Variants in JMJD1C observed in about 807,000 individuals in gnomAD.
JMJD1C encodes the protein jumonji domain-containing protein 1C.
JMJD1C carries 31 observed loss-of-function variants against 245.3 expected under a neutral mutation model. That is an observed-to-expected ratio of 0.13 (90% confidence interval 0.09 to 0.17). The LOEUF (loss-of-function observed/expected upper bound fraction) is 0.17, where lower values mean the gene tolerates loss of function less well. JMJD1C is among the 10% of genes least tolerant of loss of function. The pLI, the probability that JMJD1C is intolerant of heterozygous loss-of-function variation, is 1.00. For synonymous variants in JMJD1C, 1,057 were observed against 1,017.4 expected, an observed-to-expected ratio of 1.04 and a Z score of -0.74; for missense variants, 2,691 against 3,000.2, an observed-to-expected ratio of 0.90 and a Z score of 2.41.
chr10:63,175,070 T>C (rs944735513), intron 24 of JMJD1C, among the ~76,000 whole-genome samples: 12 of 152,316 alleles, frequency 7.9e-5, no homozygotes, highest in Admixed American at 5.9e-4. Flanking sequence ...AAATTCAATA[T>C]GTGAATAAAG....
chr10:63,175,818 T>G (rs914847634), intron 24 of JMJD1C, among the ~76,000 whole-genome samples: 1 of 152,136 alleles, frequency 6.6e-6, no homozygotes, highest in Non-Finnish European at 1.5e-5. Flanking sequence ...GCTGGAAAAA[T>G]TAGGTATTTT....
intron 2 of JMJD1C, among the ~76,000 whole-genome samples, chr10:63,282,149 G>C (rs932758201): frequency 2.0e-5 from 3 of 152,138 alleles, no homozygotes; most frequent in Non-Finnish European, 4.4e-5. Flanking sequence ...TTCTTGTGCA[G>C]TATAAGTCAA....
intron 2 of JMJD1C, among the ~76,000 whole-genome samples, chr10:63,275,880 G>A (rs1037024920): frequency 2.0e-5 from 3 of 151,964 alleles, no homozygotes; most frequent in African/African-American, 7.3e-5. Flanking sequence ...ATTTTAAGTT[G>A]CTCATTTTAT....
chr10:63,276,781 G>T (rs545758694), intron 2 of JMJD1C, among the ~76,000 whole-genome samples: 4 of 151,514 alleles, frequency 2.6e-5, no homozygotes, highest in Non-Finnish European at 4.4e-5. Flanking sequence ...TTTTAATTAC[G>T]TATGTAATTA....
At chr10:63,456,810 T>A (rs1178489243) in intron 1 of JMJD1C, among the ~76,000 whole-genome samples, 1 of 152,036 alleles carries the variant, frequency 6.6e-6, no homozygotes, top group Non-Finnish European at 1.5e-5. Flanking sequence ...GAAGCCAAAT[T>A]CAACTTAAAA....
intron 3 of JMJD1C, among the ~76,000 whole-genome samples, chr10:63,249,497 T>C (rs188275911): frequency 6.6e-6 from 1 of 152,316 alleles, no homozygotes; most frequent in East Asian, 1.9e-4. Context: ...AGGGTGACTA[T>C]ACAGCACAAC....
intron 1 of JMJD1C, chr10:63,382,907 T>C (rs1288277199): frequency 2.9e-5 from 13 of 455,100 alleles, no homozygotes; most frequent in South Asian, 1.1e-4. Flanking sequence ...CAACTTAGCT[T>C]TGAATTTCTA....
upstream of JMJD1C, among the ~76,000 whole-genome samples, chr10:63,467,488 AC>A (rs1953342373): frequency 6.6e-6 from 1 of 152,340 alleles, no homozygotes; most frequent in African/African-American, 2.4e-5. Flanking sequence ...AACCTGGTCA[AC>A]AAGAGCAAAA....
intron 3 of JMJD1C, among the ~76,000 whole-genome samples, chr10:63,247,508 A>C: frequency 6.6e-6 from 1 of 152,100 alleles, no homozygotes; most frequent in East Asian, 1.9e-4. Context: ...TGAAAGGACA[A>C]AGAAGGTGGA....
chr10:63,212,665 C>G (rs975903252), intron 8 of JMJD1C, among the ~76,000 whole-genome samples: 1 of 151,982 alleles, frequency 6.6e-6, no homozygotes. Flanking sequence ...GTTAAATAGT[C>G]AAACACTGTA....
chr10:63,501,720 G>A (rs1954567177), intron 1 of JMJD1C, among the ~76,000 whole-genome samples: 1 of 152,104 alleles, frequency 6.6e-6, no homozygotes, highest in African/African-American at 2.4e-5. Context: ...TGCTTGCAGT[G>A]AGCCAAGGTC....
intron 20 of JMJD1C, 33 bp downstream of exon 20, chr10:63,185,530 A>G (rs957105920): frequency 7.9e-7 from 1 of 1,271,748 alleles, no homozygotes; most frequent in Non-Finnish European, 1.2e-6. Context: ...CTCGATCTCA[A>G]AAAGTCAAGA....
chr10:63,229,549 T>C (rs1849718826), intron 3 of JMJD1C, among the ~76,000 whole-genome samples: 1 of 152,154 alleles, frequency 6.6e-6, no homozygotes, highest in Non-Finnish European at 1.5e-5. Context: ...TTCTAAATTA[T>C]TTACATTCTG....
At chr10:63,267,189 TA>T (rs1282860292) in intron 2 of JMJD1C, among the ~76,000 whole-genome samples, 3 of 152,198 alleles carry the variant, frequency 2.0e-5, no homozygotes, top group African/African-American at 7.2e-5. Flanking sequence ...AATACTTTTA[TA>T]GTATTTGTTA....
At chr10:63,343,394 T>C (rs1943546776) in intron 2 of JMJD1C, among the ~76,000 whole-genome samples, 1 of 151,892 alleles carries the variant, frequency 6.6e-6, no homozygotes, top group African/African-American at 2.4e-5. Context: ...AAAAACAGAT[T>C]TTAATGTATG....
At position 63,375,136 on chromosome 10, in the gene JMJD1C, G is replaced by C. The variant is rs552200232; in HGVS notation, c.333+5182C>G. Among the ~76,000 whole-genome samples, 15 of 149,764 alleles carry C rather than the reference G, an allele frequency of 1.0e-4. No homozygotes were observed. In the South Asian group the frequency reaches 3.2e-3, roughly 32 times the overall value. On this transcript the variant is annotated intron_variant, in intron 2 of 25. Coordinates refer to ENST00000399262, the MANE Select transcript of JMJD1C (RefSeq NM_032776.3). The stretch of plus-strand genomic sequence containing the variant: ...GCTTTCAGTCTTTCACCATTGACTA[G>C]GATATTACCTAAGCAACAGGATATG...
chr10:63,497,862 A>C (rs1954411647), intron 1 of JMJD1C, among the ~76,000 whole-genome samples: 1 of 152,222 alleles, frequency 6.6e-6, no homozygotes, highest in Non-Finnish European at 1.5e-5. Context: ...ATAAAAGCTC[A>C]GATAAATTTT....
intron 2 of JMJD1C, among the ~76,000 whole-genome samples, chr10:63,377,787 T>C (rs1439568066): frequency 1.3e-5 from 2 of 151,964 alleles, no homozygotes; most frequent in East Asian, 3.9e-4. Context: ...TCCTAGCTAC[T>C]GGGGAGGCCA....
At chr10:63,278,286 G>A (rs924494028) in intron 2 of JMJD1C, among the ~76,000 whole-genome samples, 2 of 151,428 alleles carry the variant, frequency 1.3e-5, no homozygotes, top group Admixed American at 1.3e-4. Flanking sequence ...GGGAGTTTGA[G>A]ACCAGCCTTA....
Sources: allele counts gnomAD v4.1 joint callset (sites outside exome capture counted in the v4.1 genomes callset), GRCh38; gene constraint gnomAD v4.1.1; transcripts MANE v1.5; gene names NCBI Gene and HGNC (gene_info 2026-07-23, HGNC 2026-07-21).